TTLL6: variants seen among roughly 807,000 people sequenced by gnomAD.
TTLL6 encodes tubulin polyglutamylase TTLL6.
In TTLL6, 75 loss-of-function variants were observed where a neutral mutation model predicts 96.4. That is an observed-to-expected ratio of 0.78 (90% CI 0.65 to 0.94). The LOEUF (loss-of-function observed/expected upper bound fraction) is 0.94. Among genes scored for constraint, TTLL6 ranks in the 40% least tolerant of loss-of-function variants. The probability of loss-of-function intolerance (pLI) is 0.00; values close to 1 mark genes in which losing one functional copy is unlikely to be tolerated. For synonymous variants in TTLL6, 411 were observed against 419.4 expected (o/e 0.98, Z 0.24); for missense variants, 1,030 against 1,093.0 (o/e 0.94, Z 0.81).
At chr17:48,810,825 GTATATA>G (rs1555569643) in intron 1 of TTLL6, among the ~76,000 whole-genome samples, 947 of 84,336 alleles carry the variant, frequency 0.011, 34 homozygotes, top group East Asian at 0.028. Context: ...GTATGTGTGT[GTATATA>G]TATATATATA....
At chr17:48,777,641 G>A (rs1339454747) in intron 13 of TTLL6, among the ~76,000 whole-genome samples, 2 of 151,886 alleles carry the variant, frequency 1.3e-5, no homozygotes, top group African/African-American at 2.4e-5. Flanking sequence ...TGAGGCAGGA[G>A]AATCACTTGA....
rs866200589 is a variant in TTLL6 at position 48,797,202 on chromosome 17, G to A, written c.771C>T (p.Pro257=). ...DMICQLYISK[P]FIIDGFKFDL... is the part of the protein sequence containing the mutation. ...CAAACTTAAACCCATCAATGATAAA[G>A]GGCTGGAAGGAGAGAACAGAAGTCA... The change falls in exon 7 of 16, where the codon CCC becomes CCT. Residue 257 remains proline (P), a splice_region_variant and synonymous_variant. Transcript: ENST00000393382. 1.9e-6 allele frequency: 3 copies of A among 1,547,856 alleles called. No homozygotes were observed. In the African/African-American group the frequency reaches 4.1e-5, roughly 21 times the overall value.
Position 48,801,466 on chromosome 17 carries a change from T to C in TTLL6, c.480+59A>G, listed in dbSNP as rs967760379. 23 of 1,550,796 alleles carry C rather than the reference T, an allele frequency of 1.5e-5. No homozygotes were observed. In the African/African-American group the frequency reaches 3.2e-4, roughly 21 times the overall value. On this transcript the variant is annotated intron_variant, in intron 4 of 15. Coordinates refer to ENST00000393382, the MANE Select transcript of TTLL6 (RefSeq NM_001130918.3). Reference sequence around the variant, plus strand: ...TCTCCTCGGGAGACAGGTGTAAAAATGGGGCCCCGCCGGGTAAGATGGCAC... The same window carrying C: ...TCTCCTCGGGAGACAGGTGTAAAAACGGGGCCCCGCCGGGTAAGATGGCAC...
intron 7 of TTLL6, 21 bp from the exon 8 acceptor site, chr17:48,796,167 C>T (rs764063224): frequency 6.5e-7 from 1 of 1,545,548 alleles, no homozygotes; most frequent in African/African-American, 1.4e-5. Context: ...AGACACACAT[C>T]TGTCGGGTCA....
chr17:48,805,410 C>G (rs1447331874), intron 1 of TTLL6, among the ~76,000 whole-genome samples: 4 of 152,154 alleles, frequency 2.6e-5, no homozygotes, highest in Non-Finnish European at 4.4e-5. Context: ...CAGCACTGCA[C>G]TGAACCTCCA....
At chr17:48,804,339 C>G (rs143658424) in intron 2 of TTLL6, 351 of 484,718 alleles carry the variant, frequency 7.2e-4, no homozygotes, top group African/African-American at 6.4e-3. Flanking sequence ...TTTCCTTCAT[C>G]AATCAGTCTG....
chr17:48,784,897 C>T (rs868375177), intron 13 of TTLL6, 26 bp downstream of exon 13: 12 of 1,598,990 alleles, frequency 7.5e-6, no homozygotes, highest in Middle Eastern at 1.8e-4. Context: ...CCACCACTCC[C>T]TCCCAGAGCT....
At position 48,788,079 on chromosome 17, in the gene TTLL6, C is replaced by T. The variant is rs2039142331; in HGVS notation, c.1401-80G>A. On this transcript the variant is annotated intron_variant, in intron 10 of 15. Transcript: ENST00000393382. ...GAAGGGATATGTCCAAGCTGGAGGTCGTCTAGGGCCAGATGGAGGCCTTGC... is the reference window on the plus strand; with the variant it reads ...GAAGGGATATGTCCAAGCTGGAGGTTGTCTAGGGCCAGATGGAGGCCTTGC... 1.2e-5 allele frequency: 17 copies of T among 1,381,650 alleles called. No homozygotes were observed. The South Asian group carries it at 1.4e-4, about 11-fold the overall frequency. The allele number at this position is 1,381,650 out of a possible 1,614,324, so 85.6% of individuals were successfully genotyped here. A position where few individuals can be genotyped will look rare whatever the true frequency, so the allele number is the denominator to read the frequency against.
In TTLL6 at chr17:48,768,949, C is replaced by A; in HGVS notation, c.*40G>T. On this transcript the variant is annotated intron_variant, in intron 15 of 15. Transcript: ENST00000393382. Reference sequence around the variant, plus strand: ...TTCCAGAAAAACACAGAGCACCTGCCAACGCACCAAATTCATTAAGGGAAT... The same window carrying A: ...TTCCAGAAAAACACAGAGCACCTGCAAACGCACCAAATTCATTAAGGGAAT... The A allele has an allele frequency of 5.0e-6, 8 of 1,596,454 alleles. No individual in the cohort carries two copies. In the South Asian group the frequency reaches 6.7e-5, roughly 13 times the overall value.
rs1488341541 is a variant in TTLL6 at position 48,789,932 on chromosome 17, T to A, written c.1399A>T (p.Arg467Trp). The A allele has an allele frequency of 6.2e-7, 1 of 1,613,732 alleles. No individual in the cohort carries two copies. Among genetic ancestry groups the A allele is most frequent in the Admixed American group, 1.7e-5 (1 of 59,978 alleles). Residue 467 changes from arginine to tryptophan, a missense_variant and splice_region_variant, in exon 10 of 16, where the codon AGG becomes TGG. Coordinates refer to ENST00000393382, the MANE Select transcript of TTLL6 (RefSeq NM_001130918.3). ...FLQQCCSREM[R>W]IEEAKGFRAV... ...CAAGGCTGGGGAGTGCGAATGTACC[T>A]CATCTCCCGAGAACAACACTGCTGC... is the stretch of plus-strand genomic sequence containing the variant.
intron 15 of TTLL6, among the ~76,000 whole-genome samples, chr17:48,764,135 CA>C (rs565288287): frequency 1.1e-3 from 163 of 145,218 alleles, no homozygotes; most frequent in Middle Eastern, 3.5e-3. Flanking sequence ...GAACCTGACT[CA>C]AAAAAAAAAG....
In TTLL6 at chr17:48,816,958, G is replaced by A. The variant is rs566687946; in HGVS notation, c.103+12C>T. On this transcript the variant is annotated intron_variant, in intron 1 of 15. Coordinates refer to ENST00000393382, the MANE Select transcript of TTLL6 (RefSeq NM_001130918.3). Reference sequence around the variant, plus strand: ...GGTCTGGAGCCAGCACCGGGCTTTGGGGCGCTCTTACCCGCAATTCCTACT... The same window carrying A: ...GGTCTGGAGCCAGCACCGGGCTTTGAGGCGCTCTTACCCGCAATTCCTACT... 1.0e-4 allele frequency: 157 copies of A among 1,523,088 alleles called. No homozygotes were observed. Among genetic ancestry groups the A allele is most frequent in the Middle Eastern group, 5.1e-4 (3 of 5,936 alleles). 94.3% of individuals were successfully genotyped at this position (1,523,088 alleles called of 1,614,324 possible).
At position 48,791,517 on chromosome 17, in the gene TTLL6, T is replaced by C; in HGVS notation, c.1085A>G (p.Lys362Arg). The stretch of plus-strand genomic sequence containing the variant: ...GATGGGGTGGGCCGAGATGAGGGTC[T>C]TGATGATGACGTCCTCAATATCCCT... The part of the protein sequence containing the change: ...IWRDIEDVII[K>R]TLISAHPIIR... Residue 362 changes from lysine to arginine, a missense_variant, in exon 9 of 16, where the codon AAG becomes AGG. Lys to Arg is a conservative substitution (Grantham distance 26). Transcript: ENST00000393382. 1 of 1,614,198 alleles carries C rather than the reference T, an allele frequency of 6.2e-7. No homozygotes were observed. The highest frequency in any genetic ancestry group is 8.5e-7 in the Non-Finnish European group (1 of 1,180,038).
intron 13 of TTLL6, among the ~76,000 whole-genome samples, chr17:48,783,328 G>A (rs952200174): frequency 6.6e-6 from 1 of 152,170 alleles, no homozygotes; most frequent in Non-Finnish European, 1.5e-5. Context: ...GGAACACAAA[G>A]AGATCTGTGC....
At chr17:48,794,235 T>A in intron 8 of TTLL6, 2 of 1,614,058 alleles carry the variant, frequency 1.2e-6, no homozygotes, top group Non-Finnish European at 1.7e-6. Context: ...CACCCCTCCA[T>A]CACAGCCGAG....
intron 13 of TTLL6, among the ~76,000 whole-genome samples, chr17:48,779,778 T>C (rs904018898): frequency 6.6e-5 from 10 of 152,154 alleles, no homozygotes; most frequent in African/African-American, 9.7e-5. Flanking sequence ...CTCAGAGATA[T>C]GGTACTGAGC....
At chr17:48,771,526 G>C (rs928169616) in intron 13 of TTLL6, among the ~76,000 whole-genome samples, 1 of 152,038 alleles carries the variant, frequency 6.6e-6, no homozygotes, top group Non-Finnish European at 1.5e-5. Context: ...TAGCTACTCG[G>C]GAGGCTGAGG....
chr17:48,801,475 G>A (rs200995804), intron 4 of TTLL6, 50 bp downstream of exon 4: 93 of 1,550,464 alleles, frequency 6.0e-5, no homozygotes, highest in Middle Eastern at 5.0e-4. Flanking sequence ...ATGGGGCCCC[G>A]CCGGGTAAGA....
chr17:48,801,639 G>A lies in TTLL6; in HGVS notation c.366C>T (p.Arg122=), dbSNP rs2039416804. Residue 122 remains arginine (R), a synonymous_variant, in exon 4 of 16, where the codon CGC becomes CGT. Transcript: ENST00000393382. ...NLSSCRYESV[R]RAAQQYGFRE... The stretch of plus-strand genomic sequence containing the variant: ...TAAAGCCGTACTGTTGGGCAGCCCT[G>A]CGCACTATTGAAGAAAGAAAGGCCT... 6.4e-7 allele frequency: 1 copy of A among 1,551,296 alleles called. No homozygotes were observed. The highest frequency in any genetic ancestry group is 8.7e-7 in the Non-Finnish European group (1 of 1,146,692).
Sources: allele counts gnomAD v4.1 joint callset (sites outside exome capture counted in the v4.1 genomes callset), GRCh38; gene constraint gnomAD v4.1.1; transcripts MANE v1.5; gene names NCBI Gene and HGNC (gene_info 2026-07-23, HGNC 2026-07-21).